PRKG1: variants seen among roughly 807,000 people sequenced by gnomAD.
PRKG1 encodes the protein cGMP-dependent protein kinase 1.
Under a neutral mutation model 88.1 loss-of-function variants are expected in PRKG1, and 35 were observed. That is an observed-to-expected ratio of 0.40 (90% CI 0.30 to 0.53). PRKG1 has a LOEUF of 0.53. Ranked by LOEUF, PRKG1 falls within the 20% of genes least tolerant of loss-of-function variation. The pLI, the probability that PRKG1 is intolerant of heterozygous loss-of-function variation, is 0.59. For synonymous variants in PRKG1, 303 were observed against 292.5 expected (o/e 1.04, Z -0.37); for missense variants, 540 against 839.8 (o/e 0.64, Z 4.41).
chr10:51,092,502 C>T (rs1052394434), intron 1 of PRKG1, among the ~76,000 whole-genome samples: 1 of 152,316 alleles, frequency 6.6e-6, no homozygotes, highest in Non-Finnish European at 1.5e-5. Flanking sequence ...GCTAACTCCA[C>T]TTTGTCTCAC....
intron 2 of PRKG1, among the ~76,000 whole-genome samples, chr10:51,328,804 G>A (rs926318899): frequency 8.5e-5 from 13 of 152,186 alleles, no homozygotes; most frequent in African/African-American, 3.1e-4. Context: ...CCATTTGTTT[G>A]TCTTATTTTG....
At chr10:52,286,727 G>A (rs117271768) in intron 14 of PRKG1, among the ~76,000 whole-genome samples, 9 of 151,416 alleles carry the variant, frequency 5.9e-5, no homozygotes, top group Admixed American at 1.3e-4. Context: ...TCTAAATTCA[G>A]TTTGATTTTT....
At chr10:51,013,382 C>T (rs746830057) in intron 1 of PRKG1, among the ~76,000 whole-genome samples, 3 of 152,102 alleles carry the variant, frequency 2.0e-5, no homozygotes, top group Admixed American at 6.6e-5. Flanking sequence ...TTTTCAGTTT[C>T]GACCATTTAG....
At chr10:52,129,643 T>C (rs917864796) in intron 7 of PRKG1, among the ~76,000 whole-genome samples, 3 of 152,168 alleles carry the variant, frequency 2.0e-5, no homozygotes, top group African/African-American at 7.2e-5. Context: ...TGAATGAGCT[T>C]GGCGATGAAT....
chr10:51,155,710 C>T (rs1207879988), intron 2 of PRKG1, among the ~76,000 whole-genome samples: 1 of 151,934 alleles, frequency 6.6e-6, no homozygotes, highest in Non-Finnish European at 1.5e-5. Flanking sequence ...GGGTAAGGCC[C>T]ATTGATCAGA....
At chr10:52,039,597 C>T (rs189206443) in intron 5 of PRKG1, among the ~76,000 whole-genome samples, 38 of 152,204 alleles carry the variant, frequency 2.5e-4, no homozygotes, top group Non-Finnish European at 3.4e-4. Context: ...CCAGTTAGTA[C>T]GTATCCTCTG....
chr10:52,176,308 GA>G (rs1318917087), intron 9 of PRKG1, among the ~76,000 whole-genome samples: 1 of 149,718 alleles, frequency 6.7e-6, no homozygotes, highest in African/African-American at 2.5e-5. Context: ...GCACCTTTGT[GA>G]AAAATCAGTT....
chr10:51,839,550 A>G (rs1467629600), intron 4 of PRKG1, among the ~76,000 whole-genome samples: 1 of 152,182 alleles, frequency 6.6e-6, no homozygotes, highest in Non-Finnish European at 1.5e-5. Flanking sequence ...TTGAAAGACC[A>G]CTTATCTTTT....
chr10:52,282,124 T>TAAG, intron 13 of PRKG1, 29 bp from the exon 14 acceptor site: 1 of 1,553,026 alleles, frequency 6.4e-7, no homozygotes, highest in Non-Finnish European at 8.7e-7. Flanking sequence ...ATAAGGAGCT[T>TAAG]AAGTATCTTG....
At chr10:52,098,613 T>C (rs191188785) in intron 7 of PRKG1, among the ~76,000 whole-genome samples, 233 of 152,182 alleles carry the variant, frequency 1.5e-3, no homozygotes, top group African/African-American at 5.2e-3. Flanking sequence ...GAGTTCGAGA[T>C]AGATGTGTAA....
At chr10:51,064,346 G>A (rs912673429) in intron 1 of PRKG1, among the ~76,000 whole-genome samples, 8 of 151,982 alleles carry the variant, frequency 5.3e-5, no homozygotes, top group Non-Finnish European at 1.0e-4. Flanking sequence ...CATTCACATG[G>A]TTATTAATGC....
intron 2 of PRKG1, among the ~76,000 whole-genome samples, chr10:51,425,937 T>G (rs1838568811): frequency 1.3e-5 from 2 of 152,134 alleles, no homozygotes; most frequent in South Asian, 4.1e-4. Flanking sequence ...AAATCTGCAT[T>G]TAAAATATAA....
chr10:51,875,389 A>G (rs1172497521), intron 4 of PRKG1, among the ~76,000 whole-genome samples: 1 of 152,074 alleles, frequency 6.6e-6, no homozygotes. Context: ...TGTTTTAAAA[A>G]AAAAACCACC....
At chr10:51,527,539 ATGAG>A (rs1391418432) in intron 3 of PRKG1, among the ~76,000 whole-genome samples, 1 of 152,202 alleles carries the variant, frequency 6.6e-6, no homozygotes, top group Non-Finnish European at 1.5e-5. Context: ...AAAAAAGTAT[ATGAG>A]TAAGACTTGC....
At chr10:51,505,299 C>G (rs1841163573) in intron 3 of PRKG1, among the ~76,000 whole-genome samples, 1 of 152,128 alleles carries the variant, frequency 6.6e-6, no homozygotes, top group Non-Finnish European at 1.5e-5. Flanking sequence ...ATTGAACCAG[C>G]CTTGCATCCC....
intron 3 of PRKG1, among the ~76,000 whole-genome samples, chr10:51,639,517 G>C (rs139627885): frequency 2.7e-4 from 37 of 136,536 alleles, no homozygotes; most frequent in African/African-American, 1.0e-3. Context: ...GAGATGGAAT[G>C]AGAGAAGGCA....
chr10:51,671,830 C>T (rs943280853), intron 3 of PRKG1, among the ~76,000 whole-genome samples: 5 of 152,114 alleles, frequency 3.3e-5, no homozygotes, highest in African/African-American at 1.2e-4. Flanking sequence ...TTGTGATTTG[C>T]CTGCCTCGGC....
chr10:51,079,542 G>A (rs1304292518), intron 1 of PRKG1, among the ~76,000 whole-genome samples: 1 of 152,214 alleles, frequency 6.6e-6, no homozygotes, highest in African/African-American at 2.4e-5. Context: ...GGAGCAACTA[G>A]TGGCTGTGCT....
Position 51,055,234 on chromosome 10 carries a change from C to G in PRKG1, c.266+63590C>G, listed in dbSNP as rs1032039039. The stretch of plus-strand genomic sequence containing the variant: ...AATGGCAGGGATTGGTTTGCTCGTC[C>G]TTGAGTCCTTCATGTCTATTGTTCC... On this transcript the variant is annotated intron_variant, in intron 1 of 17. Coordinates refer to the PRKG1 transcript ENST00000401604. Among the ~76,000 whole-genome samples, 17 of 152,218 alleles carry G rather than the reference C, an allele frequency of 1.1e-4. 1 individual carries two copies. Among genetic ancestry groups the G allele is most frequent in the Admixed American group, 1.0e-3 (16 of 15,294 alleles).
Sources: allele counts gnomAD v4.1 joint callset (sites outside exome capture counted in the v4.1 genomes callset), GRCh38; gene constraint gnomAD v4.1.1; transcripts MANE v1.5; gene names NCBI Gene and HGNC (gene_info 2026-07-23, HGNC 2026-07-21).